Variants in CAMKMT observed in about 807,000 individuals in gnomAD.
The protein encoded by CAMKMT is CaM KMT.
In CAMKMT, 53 loss-of-function variants were observed where a neutral mutation model predicts 48.0. That is an observed-to-expected ratio of 1.10 (90% CI 0.89 to 1.39). The LOEUF (loss-of-function observed/expected upper bound fraction) is 1.39, where lower values mean the gene tolerates loss of function less well. Ranked by LOEUF, CAMKMT falls within the 40% of genes most tolerant of loss-of-function variation. CAMKMT has a pLI of 0.00. For synonymous variants in CAMKMT, 165 were observed against 152.3 expected (o/e 1.08, Z -0.61); for missense variants, 428 against 402.7 (o/e 1.06, Z -0.54).
chr2:44,430,162 G>T (rs1684563369), intron 3 of CAMKMT, among the ~76,000 whole-genome samples: 1 of 151,948 alleles, frequency 6.6e-6, no homozygotes, highest in Admixed American at 6.6e-5. Flanking sequence ...GGAAGCTAAA[G>T]AATAACCTGC....
intron 3 of CAMKMT, among the ~76,000 whole-genome samples, chr2:44,481,000 T>C (rs1368403994): frequency 6.6e-6 from 1 of 151,976 alleles, no homozygotes; most frequent in Non-Finnish European, 1.5e-5. Context: ...TCATCCATAT[T>C]ATGTGTGTGT....
At chr2:44,526,177 C>G (rs961190574) in intron 3 of CAMKMT, among the ~76,000 whole-genome samples, 11 of 152,128 alleles carry the variant, frequency 7.2e-5, no homozygotes, top group Non-Finnish European at 1.3e-4. Flanking sequence ...AAGCAATATG[C>G]CTCTTTCCCA....
chr2:44,596,433 A>T (rs1461355512), intron 3 of CAMKMT, among the ~76,000 whole-genome samples: 1 of 152,098 alleles, frequency 6.6e-6, no homozygotes. Context: ...TGGGTAACAG[A>T]GCGAGACTCT....
chr2:44,414,822 A>G (rs569325504), intron 3 of CAMKMT, among the ~76,000 whole-genome samples: 35 of 152,348 alleles, frequency 2.3e-4, no homozygotes, highest in Admixed American at 1.9e-3. Context: ...TGAACTGTCT[A>G]GCATTTAGAT....
At chr2:44,511,085 C>T (rs139388735) in intron 3 of CAMKMT, among the ~76,000 whole-genome samples, 6,453 of 152,256 alleles carry the variant, frequency 0.042, 192 homozygotes, top group South Asian at 0.066. Flanking sequence ...AAGTGATCTG[C>T]CCGCCTCAGC....
chr2:44,547,634 TA>T (rs755785339), intron 3 of CAMKMT, among the ~76,000 whole-genome samples: 43 of 152,316 alleles, frequency 2.8e-4, no homozygotes, highest in Non-Finnish European at 3.7e-4. Context: ...GGAACAAGAT[TA>T]GTACAATGTT....
At chr2:44,614,935 G>GTTT (rs1671789368) in intron 3 of CAMKMT, among the ~76,000 whole-genome samples, 1 of 33,880 alleles carries the variant, frequency 3.0e-5, no homozygotes, top group Non-Finnish European at 6.2e-5. Context: ...TGGTCTCCTT[G>GTTT]CTTTTTTTTT....
At chr2:44,548,412 C>T (rs913050139) in intron 3 of CAMKMT, among the ~76,000 whole-genome samples, 1 of 152,152 alleles carries the variant, frequency 6.6e-6, no homozygotes, top group African/African-American at 2.4e-5. Context: ...TCACATGAAA[C>T]CACAAGCCCT....
chr2:44,696,927 A>G (rs74638446), intron 3 of CAMKMT, among the ~76,000 whole-genome samples: 6,269 of 152,242 alleles, frequency 0.041, 434 homozygotes, highest in African/African-American at 0.14. Flanking sequence ...TAACAATAGC[A>G]TATATTAAAA....
chr2:44,753,880 C>A (rs1680259583), intron 8 of CAMKMT, among the ~76,000 whole-genome samples, 175 bp from the exon 9 acceptor site: 1 of 152,198 alleles, frequency 6.6e-6, no homozygotes, highest in Admixed American at 6.5e-5. Context: ...ATAACACTGA[C>A]CACAATATCT....
chr2:44,565,321 C>G (rs761860917), intron 3 of CAMKMT, among the ~76,000 whole-genome samples: 3 of 152,136 alleles, frequency 2.0e-5, no homozygotes, highest in Non-Finnish European at 4.4e-5. Flanking sequence ...GGAAAGAACA[C>G]TGAATTGCAG....
intron 3 of CAMKMT, among the ~76,000 whole-genome samples, chr2:44,662,660 A>G (rs72867793): frequency 0.02 from 3,080 of 152,264 alleles, 79 homozygotes; most frequent in African/African-American, 0.064. Context: ...TGGTGCCATC[A>G]TATCTCACTG....
At chr2:44,417,301 A>G (rs1208069859) in intron 3 of CAMKMT, among the ~76,000 whole-genome samples, 1 of 152,116 alleles carries the variant, frequency 6.6e-6, no homozygotes, top group Admixed American at 6.6e-5. Flanking sequence ...AGGCTGAGGC[A>G]GGAGAATTGC....
At chr2:44,568,330 A>G (rs1268002074) in intron 3 of CAMKMT, among the ~76,000 whole-genome samples, 1 of 152,186 alleles carries the variant, frequency 6.6e-6, no homozygotes, top group Non-Finnish European at 1.5e-5. Context: ...GCCTTAGTCT[A>G]TTACAAGAAC....
chr2:44,477,013 T>G (rs2104668624), intron 3 of CAMKMT, among the ~76,000 whole-genome samples: 1 of 152,282 alleles, frequency 6.6e-6, no homozygotes, highest in African/African-American at 2.4e-5. Flanking sequence ...GGTTATAGTC[T>G]CAGAGACATC....
chr2:44,616,674 G>C (rs1415373232), intron 3 of CAMKMT, among the ~76,000 whole-genome samples: 1 of 151,908 alleles, frequency 6.6e-6, no homozygotes, highest in African/African-American at 2.4e-5. Context: ...CTCATCCCAG[G>C]GTTCAACTGA....
At chr2:44,674,135 C>A (rs1467273393) in intron 3 of CAMKMT, among the ~76,000 whole-genome samples, 1 of 152,176 alleles carries the variant, frequency 6.6e-6, no homozygotes, top group Non-Finnish European at 1.5e-5. Flanking sequence ...ACGTTCCTGT[C>A]CTGGATTTAT....
intron 7 of CAMKMT, among the ~76,000 whole-genome samples, chr2:44,725,287 T>A (rs1328286199): frequency 6.6e-6 from 1 of 152,118 alleles, no homozygotes; most frequent in Non-Finnish European, 1.5e-5. Flanking sequence ...CTAAAATATT[T>A]TACTAAGTTG....
At chr2:44,629,866 G>A (rs1159426687) in intron 3 of CAMKMT, among the ~76,000 whole-genome samples, 57 of 148,510 alleles carry the variant, frequency 3.8e-4, no homozygotes, top group African/African-American at 9.6e-4. Flanking sequence ...AGCTACCAAT[G>A]ACTTTCTTCA....
Sources: gnomAD v4.1 joint callset for allele counts (sites outside exome capture counted in the v4.1 genomes callset) on GRCh38, gnomAD v4.1.1 for gene constraint, MANE v1.5 for transcripts, NCBI Gene and HGNC (gene_info 2026-07-23, HGNC 2026-07-21) for gene names.